COMMD7: variants seen among roughly 807,000 people sequenced by gnomAD.
The protein encoded by COMMD7 is COMM domain containing 7, also known as COMM domain-containing protein 7.
A neutral mutation model predicts 34.8 loss-of-function variants in COMMD7; 28 were observed. That is an observed-to-expected ratio of 0.80 (90% CI 0.60 to 1.10). The LOEUF (loss-of-function observed/expected upper bound fraction) is 1.10, where lower values mean the gene tolerates loss of function less well. COMMD7 is among the 50% of genes least tolerant of loss of function. The probability of loss-of-function intolerance (pLI) is 0.00; values close to 1 mark genes in which losing one functional copy is unlikely to be tolerated. For synonymous variants in COMMD7, 80 were observed against 86.4 expected, an observed-to-expected ratio of 0.93 and a Z score of 0.41; for missense variants, 211 against 241.6, an observed-to-expected ratio of 0.87 and a Z score of 0.84.
chr20:32,726,887 T>C (rs918520645), intron 3 of COMMD7, among the ~76,000 whole-genome samples: 2 of 151,982 alleles, frequency 1.3e-5, no homozygotes, highest in African/African-American at 2.4e-5. Flanking sequence ...CACTAAGATA[T>C]AGGAAAGTGC....
At chr20:32,706,001 C>G (rs1600963216) in intron 5 of COMMD7, among the ~76,000 whole-genome samples, 1 of 151,770 alleles carries the variant, frequency 6.6e-6, no homozygotes, top group Non-Finnish European at 1.5e-5. Context: ...GAGTTCAAGA[C>G]CAGCCTGACC....
chr20:32,706,525 A>G (rs1165824406), intron 5 of COMMD7, 58 bp downstream of exon 5: 9 of 1,425,174 alleles, frequency 6.3e-6, no homozygotes, highest in Non-Finnish European at 7.8e-6. Context: ...AAAAAAAAAA[A>G]AGAAAGAAAA....
intron 1 of COMMD7, among the ~76,000 whole-genome samples, chr20:32,742,040 T>A (rs1212893546): frequency 6.6e-6 from 1 of 151,906 alleles, no homozygotes; most frequent in Non-Finnish European, 1.5e-5. Flanking sequence ...ATACAAAAAT[T>A]AGCTGGGCAT....
chr20:32,743,166 C>A (rs1986530569), intron 1 of COMMD7, 142 bp downstream of exon 1: 9 of 676,528 alleles, frequency 1.3e-5, no homozygotes, highest in Admixed American at 3.5e-5. Context: ...CCGAACCCAC[C>A]TCACACACCC....
rs376710761 is a variant in COMMD7 at position 32,703,447 on chromosome 20, G to A, written c.538C>T (p.Pro180Ser). Residue 180 changes from proline (P) to serine (S), a missense_variant, in exon 9 of 9, where the codon CCT becomes TCT. Pro to Ser is a moderately conservative substitution (Grantham distance 74). Coordinates refer to ENST00000278980, the MANE Select transcript of COMMD7 (RefSeq NM_053041.3). Reference protein sequence around the residue: ...TENVYIELTLPQFYSFLHEME... With the variant: ...TENVYIELTLSQFYSFLHEME... ...TCGTGCAGGAAGCTGTAGAACTGAGGCAAGGTTAATTCTGGGGAGAGAAAA... is the reference window on the plus strand; with the variant it reads ...TCGTGCAGGAAGCTGTAGAACTGAGACAAGGTTAATTCTGGGGAGAGAAAA... 6.2e-7 allele frequency: 1 copy of A among 1,613,716 alleles called. No homozygotes were observed. Among genetic ancestry groups the A allele is most frequent in the African/African-American group, 1.3e-5 (1 of 74,898 alleles).
intron 3 of COMMD7, among the ~76,000 whole-genome samples, chr20:32,713,884 G>C (rs926290371): frequency 3.3e-5 from 5 of 152,194 alleles, no homozygotes; most frequent in African/African-American, 1.2e-4. Context: ...GGGAGGCCGA[G>C]GCAGGTGGAT....
intron 1 of COMMD7, among the ~76,000 whole-genome samples, chr20:32,736,726 A>G (rs1986145838): frequency 6.6e-6 from 1 of 152,060 alleles, no homozygotes; most frequent in South Asian, 2.1e-4. Flanking sequence ...GTAAAGGTTT[A>G]CAGTATGTTT....
intron 1 of COMMD7, among the ~76,000 whole-genome samples, chr20:32,729,361 T>G (rs965364313): frequency 8.6e-5 from 13 of 150,716 alleles, no homozygotes; most frequent in Non-Finnish European, 1.5e-4. Context: ...TAGAGACGGG[T>G]TTCACCATAT....
Position 32,742,286 on chromosome 20 carries a change from G to C in COMMD7, c.84+1022C>G, listed in dbSNP as rs150336289. Among the ~76,000 whole-genome samples, 616 of 152,252 alleles carry C rather than the reference G, an allele frequency of 4.0e-3. 4 individuals are homozygous for C. Among genetic ancestry groups the C allele is most frequent in the Non-Finnish European group, 6.4e-3 (433 of 68,016 alleles). On this transcript the variant is annotated intron_variant, in intron 1 of 8. Coordinates refer to ENST00000278980, the MANE Select transcript of COMMD7 (RefSeq NM_053041.3). ...GGCTTGCAAATTTTTCTATTGCATA[G>C]CTCAAGCTTAGAACCTTCCTGTCGT... is the stretch of plus-strand genomic sequence containing the variant.
intron 3 of COMMD7, among the ~76,000 whole-genome samples, chr20:32,713,460 A>G (rs1274334796): frequency 6.6e-6 from 1 of 152,216 alleles, no homozygotes; most frequent in Admixed American, 6.5e-5. Flanking sequence ...AGTTTTGCCA[A>G]GACGGTTGGA....
rs1239904481 is a variant in COMMD7, at chr20:32,723,154, G to C, written c.241+4739C>G. ...CCTCTCCGTCTCCGTCTCCGTCTCC[G>C]TCTCCCTCTCCCTCTCCCCACGGTC... On this transcript the variant is annotated intron_variant, in intron 3 of 8. Transcript: ENST00000278980. 2.4e-4 allele frequency among the ~76,000 whole-genome samples: 8 copies of C among 34,040 alleles called. 2 individuals carry two copies. Among genetic ancestry groups the C allele is most frequent in the East Asian group, 1.7e-3 (4 of 2,318 alleles). The allele number at this position is 34,040 out of a possible 152,430, so 22.3% of individuals were successfully genotyped here.
chr20:32,717,284 A>G (rs1425219459), intron 3 of COMMD7, among the ~76,000 whole-genome samples: 1 of 149,048 alleles, frequency 6.7e-6, no homozygotes, highest in Admixed American at 6.7e-5. Flanking sequence ...CCTCTGAAGT[A>G]GTTGAGACTA....
chr20:32,734,212 C>T (rs1357675960), intron 1 of COMMD7, among the ~76,000 whole-genome samples: 3 of 147,552 alleles, frequency 2.0e-5, no homozygotes, highest in African/African-American at 7.5e-5. Flanking sequence ...CCGTGCCTCA[C>T]GCTTGTAATC....
chr20:32,707,294 A>AAATAT (rs1555822524), intron 3 of COMMD7, among the ~76,000 whole-genome samples: 2 of 129,188 alleles, frequency 1.5e-5, no homozygotes, highest in African/African-American at 5.6e-5. Flanking sequence ...AAAAAAAAAA[A>AAATAT]ATATATATAT....
At chr20:32,704,601 G>T in intron 6 of COMMD7, 112 bp from the exon 7 acceptor site, 1 of 1,171,910 alleles carries the variant, frequency 8.5e-7, no homozygotes. Context: ...GCCATGTGGG[G>T]GCAAGTATGA....
chr20:32,708,171 T>C (rs1687555295), intron 3 of COMMD7, among the ~76,000 whole-genome samples: 1 of 152,184 alleles, frequency 6.6e-6, no homozygotes, highest in Non-Finnish European at 1.5e-5. Flanking sequence ...CTCCAATTCC[T>C]GAAAACAAAG....
At chr20:32,743,111 G>T (rs901002471) in intron 1 of COMMD7, among the ~76,000 whole-genome samples, 197 bp downstream of exon 1, 1 of 151,864 alleles carries the variant, frequency 6.6e-6, no homozygotes, top group Non-Finnish European at 1.5e-5. Flanking sequence ...GAGATCCCTT[G>T]GCTCCCCACA....
intron 3 of COMMD7, among the ~76,000 whole-genome samples, chr20:32,708,499 G>A (rs1057137948): frequency 2.0e-5 from 3 of 151,988 alleles, no homozygotes; most frequent in East Asian, 1.9e-4. Flanking sequence ...GCAAGACCCC[G>A]GGAAACCTTA....
At chr20:32,723,076 TCC>T (rs1600988703) in intron 3 of COMMD7, among the ~76,000 whole-genome samples, 11 of 53,862 alleles carry the variant, frequency 2.0e-4, no homozygotes, top group South Asian at 1.8e-3. Context: ...AGACTTGTGA[TCC>T]TCTCCCTCTC....
Sources: gnomAD v4.1 joint callset for allele counts (sites outside exome capture counted in the v4.1 genomes callset) on GRCh38, gnomAD v4.1.1 for gene constraint, MANE v1.5 for transcripts, NCBI Gene and HGNC (gene_info 2026-07-23, HGNC 2026-07-21) for gene names.